Variants in TXNRD1 observed in about 807,000 individuals in gnomAD.
TXNRD1 encodes the protein thioredoxin reductase 1, cytoplasmic.
Under a neutral mutation model 80.3 loss-of-function variants are expected in TXNRD1, and 57 were observed. The ratio of observed to expected loss-of-function variants is 0.71; its 90% CI spans 0.57 to 0.89. The LOEUF (loss-of-function observed/expected upper bound fraction) is 0.89. TXNRD1 is among the 40% of genes least tolerant of loss of function. TXNRD1 has a pLI of 0.00. For missense variants in TXNRD1, 730 were observed against 803.0 expected, an observed-to-expected ratio of 0.91 and a Z score of 1.10; for synonymous variants, 291 against 285.2, an observed-to-expected ratio of 1.02 and a Z score of -0.20.
chr12:104,221,147 C>A (rs2032347554), intron 1 of TXNRD1, among the ~76,000 whole-genome samples: 1 of 152,044 alleles, frequency 6.6e-6, no homozygotes, highest in South Asian at 2.1e-4. Flanking sequence ...CTGTTAGTCA[C>A]ACCTGCTCAG....
At chr12:104,228,359 G>A (rs1283805384) in intron 1 of TXNRD1, among the ~76,000 whole-genome samples, 3 of 151,406 alleles carry the variant, frequency 2.0e-5, no homozygotes, top group Non-Finnish European at 4.4e-5. Flanking sequence ...TAGGCCGGTT[G>A]TGGTGGCTTA....
At chr12:104,288,111 C>T (rs1486438744) in intron 3 of TXNRD1, among the ~76,000 whole-genome samples, 1 of 152,124 alleles carries the variant, frequency 6.6e-6, no homozygotes, top group Non-Finnish European at 1.5e-5. Flanking sequence ...CTGCCTCAGC[C>T]TCCTGAGTAG....
rs144202266 is a variant in TXNRD1 at position 104,261,556 on chromosome 12, C to A, written c.304+3477C>A. ...AATGTGTGTTGCCAGTGGGGAGGTG[C>A]GGTGACTGAAAAATCTATTAAATTT... On this transcript the variant is annotated intron_variant, in intron 3 of 16. Transcript: ENST00000525566. 2.9e-3 allele frequency among the ~76,000 whole-genome samples: 441 copies of A among 152,184 alleles called. 1 individual carries two copies. Among genetic ancestry groups the A allele is most frequent in the Admixed American group, 5.4e-3 (82 of 15,284 alleles).
intron 3 of TXNRD1, among the ~76,000 whole-genome samples, chr12:104,287,680 T>C (rs1202532052): frequency 2.0e-5 from 3 of 152,050 alleles, no homozygotes; most frequent in Non-Finnish European, 4.4e-5. Flanking sequence ...ACACAGACTA[T>C]TAAATGGGGC....
chr12:104,348,336 T>A lies in TXNRD1; in HGVS notation c.1882-17T>A, dbSNP rs769697124. The A allele has an allele frequency of 6.2e-7, 1 of 1,613,770 alleles. No individual in the cohort carries two copies. The highest frequency in any genetic ancestry group is 8.5e-7 in the Non-Finnish European group (1 of 1,179,656). The stretch of plus-strand genomic sequence containing the variant: ...GCTCAGGCATCTGAAGATGTTGTGC[T>A]TTCTCTTCCCCTGCAGGTATTCACA... On this transcript the variant is annotated splice_polypyrimidine_tract_variant and intron_variant, in intron 16 of 16. Transcript: ENST00000525566.
chr12:104,252,098 G>C (rs2033131720), intron 2 of TXNRD1, among the ~76,000 whole-genome samples: 4 of 151,264 alleles, frequency 2.6e-5, no homozygotes, highest in Admixed American at 2.6e-4. Context: ...AGTATATGTA[G>C]GTGTAACTTG....
intron 4 of TXNRD1, chr12:104,303,790 G>A: frequency 7.7e-7 from 1 of 1,294,442 alleles, no homozygotes; most frequent in South Asian, 1.6e-5. Flanking sequence ...ACGCTGGGAG[G>A]GCCGTTACCT....
chr12:104,248,547 G>A (rs11832923), intron 1 of TXNRD1, among the ~76,000 whole-genome samples: 7,457 of 152,262 alleles, frequency 0.049, 487 homozygotes, highest in African/African-American at 0.15. Context: ...GCCTCCCAAA[G>A]TGCAGGAATT....
At chr12:104,302,815 A>G (rs910441532) in intron 4 of TXNRD1, among the ~76,000 whole-genome samples, 2 of 152,056 alleles carry the variant, frequency 1.3e-5, no homozygotes, top group Non-Finnish European at 1.5e-5. Flanking sequence ...ATACTTTGCT[A>G]TTTGCTGCTG....
chr12:104,262,847 C>A (rs556560631), intron 3 of TXNRD1, among the ~76,000 whole-genome samples: 1 of 151,470 alleles, frequency 6.6e-6, no homozygotes, highest in Non-Finnish European at 1.5e-5. Context: ...CTGTGTACTG[C>A]CTAACTGGAT....
At chr12:104,328,451 T>C (rs982888305) in intron 13 of TXNRD1, among the ~76,000 whole-genome samples, 1 of 151,898 alleles carries the variant, frequency 6.6e-6, no homozygotes, top group Admixed American at 6.6e-5. Context: ...TATTACCCAG[T>C]CCTTAGAAAA....
At chr12:104,301,422 C>T (rs909438728) in intron 4 of TXNRD1, among the ~76,000 whole-genome samples, 13 of 152,132 alleles carry the variant, frequency 8.5e-5, no homozygotes, top group African/African-American at 3.1e-4. Context: ...ACTGCAAGCT[C>T]CGTCTCCTGG....
chr12:104,222,455 T>A (rs1162285911), intron 1 of TXNRD1, among the ~76,000 whole-genome samples: 3 of 152,162 alleles, frequency 2.0e-5, no homozygotes, highest in Admixed American at 2.0e-4. Context: ...TAAAGCTAAT[T>A]TAAAGGCAAA....
At chr12:104,330,868 G>A (rs1350613015) in intron 13 of TXNRD1, among the ~76,000 whole-genome samples, 1 of 152,116 alleles carries the variant, frequency 6.6e-6, no homozygotes, top group East Asian at 1.9e-4. Context: ...GATTACAGGT[G>A]TGAGCCACTG....
chr12:104,337,229 G>A (rs555575502), intron 15 of TXNRD1, among the ~76,000 whole-genome samples: 4 of 151,920 alleles, frequency 2.6e-5, no homozygotes, highest in East Asian at 1.9e-4. Context: ...CCATAAACCC[G>A]GAATCGTCAG....
chr12:104,338,299 CT>C (rs2036207409), intron 15 of TXNRD1, among the ~76,000 whole-genome samples: 1 of 151,778 alleles, frequency 6.6e-6, no homozygotes, highest in South Asian at 2.1e-4. Context: ...GTAGCTGTCC[CT>C]TGTCTCTTTG....
chr12:104,306,577 C>T (rs1298554376), intron 4 of TXNRD1, among the ~76,000 whole-genome samples: 1 of 152,116 alleles, frequency 6.6e-6, no homozygotes, highest in African/African-American at 2.4e-5. Context: ...ACAAATGACA[C>T]CAAGACTGAG....
intron 5 of TXNRD1, 126 bp from the exon 6 acceptor site, chr12:104,313,119 C>T: frequency 7.9e-6 from 5 of 630,868 alleles, no homozygotes; most frequent in East Asian, 5.8e-5. Context: ...TGTGAAGTAC[C>T]CAGGTATTAA....
At chr12:104,334,777 C>G (rs949392892) in intron 15 of TXNRD1, among the ~76,000 whole-genome samples, 5 of 152,154 alleles carry the variant, frequency 3.3e-5, no homozygotes, top group African/African-American at 1.2e-4. Flanking sequence ...CTGGCAAGGA[C>G]CTTGGCTGCA....
Sources: allele counts gnomAD v4.1 joint callset (sites outside exome capture counted in the v4.1 genomes callset), GRCh38; gene constraint gnomAD v4.1.1; transcripts MANE v1.5; gene names NCBI Gene and HGNC (gene_info 2026-07-23, HGNC 2026-07-21).